The following RMI1 variants were observed in gnomAD, a reference collection of about 807,000 sequenced individuals.
RMI1 encodes the protein RecQ mediated genome instability 1.
A neutral mutation model predicts 46.7 loss-of-function variants in RMI1; 36 were observed. The ratio of observed to expected loss-of-function variants is 0.77; its 90% confidence interval spans 0.59 to 1.02. RMI1 has a LOEUF of 1.02. Ranked by LOEUF, RMI1 falls within the 50% of genes least tolerant of loss-of-function variation. RMI1 has a pLI of 0.00. For synonymous variants in RMI1, 250 were observed against 252.9 expected (o/e 0.99, Z 0.11); for missense variants, 676 against 713.7 (o/e 0.95, Z 0.60).
At chr9:83,993,725 T>C (rs1021160371) in intron 1 of RMI1, among the ~76,000 whole-genome samples, 3 of 152,128 alleles carry the variant, frequency 2.0e-5, no homozygotes, top group Non-Finnish European at 4.4e-5. Flanking sequence ...TGTATTTCTT[T>C]TATGATTAGT....
intron 1 of RMI1, among the ~76,000 whole-genome samples, chr9:83,997,987 G>A (rs1237477648): frequency 6.6e-6 from 1 of 151,876 alleles, no homozygotes; most frequent in Non-Finnish European, 1.5e-5. Flanking sequence ...TTTAAAGATG[G>A]GATCTTGCTT....
At chr9:83,991,498 T>G (rs2133112855) in intron 1 of RMI1, among the ~76,000 whole-genome samples, 1 of 152,198 alleles carries the variant, frequency 6.6e-6, no homozygotes, top group East Asian at 1.9e-4. Context: ...AAAAATTTTT[T>G]GTAGAAATGG....
Position 84,003,319 on chromosome 9 carries a change from T to C in RMI1, c.*455T>C, listed in dbSNP as rs987271222. 4.2e-5 allele frequency: 7 copies of C among 167,332 alleles called. No homozygotes were observed. The highest frequency in any genetic ancestry group is 1.4e-4 in the African/African-American group (6 of 41,430). 10.4% of individuals were successfully genotyped at this position (167,332 alleles called of 1,614,324 possible). On this transcript the variant is annotated 3_prime_UTR_variant, in exon 3 of 3. Transcript: ENST00000445877. ...TGCCGTCATGGCCTCCAAAGTTTAC[T>C]TTTTTTAAAAGTAACTGTTAGATGG...
In RMI1 at chr9:84,003,937, G is replaced by A. The variant is rs1957774456; in HGVS notation, c.*1073G>A. ...ACTGATTTTTTTTTAAAAAAAAGAG[G>A]GACTGTTTACCATTCTTCCACTGTG... On this transcript the variant is annotated 3_prime_UTR_variant, in exon 3 of 3. Coordinates refer to ENST00000445877, the MANE Select transcript of RMI1 (RefSeq NM_001358291.2). 1 of 165,818 alleles carries A rather than the reference G, an allele frequency of 6.0e-6. No homozygotes were observed. The highest frequency in any genetic ancestry group is 2.1e-4 in the South Asian group (1 of 4,822). The allele number at this position is 165,818 out of a possible 1,614,324, so 10.3% of individuals were successfully genotyped here. A position where few individuals can be genotyped will look rare whatever the true frequency, so the allele number is the denominator to read the frequency against.
At position 84,002,770 on chromosome 9, in the gene RMI1, C is replaced by T. The variant is rs746895968; in HGVS notation, c.1784C>T (p.Ser595Leu). The T allele has an allele frequency of 2.5e-6, 4 of 1,612,686 alleles. No individual in the cohort carries two copies. The African/African-American group carries it at 4.0e-5, about 16-fold the overall frequency. ...GATTTGTGCTGTCTAATGACTATTT[C>T]ATTTAATCCTTCCTTGTCTAAAGCA... is the stretch of plus-strand genomic sequence containing the variant. ...LIDLCCLMTI[S>L]FNPSLSKAMV... The change falls in exon 3 of 3, where the codon TCA becomes TTA. Residue 595 changes from serine to leucine, a missense_variant. Physicochemically the swap from Ser to Leu is moderately radical, Grantham distance 145. Transcript: ENST00000445877.
At chr9:83,989,674 A>AATAAAAT (rs139919080) in intron 1 of RMI1, among the ~76,000 whole-genome samples, 4 of 150,568 alleles carry the variant, frequency 2.7e-5, no homozygotes, top group African/African-American at 9.9e-5. Context: ...AGACAAAAAA[A>AATAAAAT]AAAATAAAAT....
chr9:83,992,310 A>G (rs940828640), intron 1 of RMI1, among the ~76,000 whole-genome samples: 7 of 152,188 alleles, frequency 4.6e-5, no homozygotes, highest in African/African-American at 1.7e-4. Flanking sequence ...TTAACATTGA[A>G]CTTACACAGC....
chr9:83,998,472 A>G (rs1021213710), intron 1 of RMI1, among the ~76,000 whole-genome samples: 2 of 152,154 alleles, frequency 1.3e-5, no homozygotes, highest in Non-Finnish European at 2.9e-5. Context: ...ACTTACATAC[A>G]TTTACTATGT....
chr9:83,990,662 T>C (rs968049798), intron 1 of RMI1, among the ~76,000 whole-genome samples: 2 of 152,190 alleles, frequency 1.3e-5, no homozygotes, highest in African/African-American at 2.4e-5. Flanking sequence ...GTGATAGATA[T>C]CCTAATTACC....
intron 1 of RMI1, among the ~76,000 whole-genome samples, chr9:83,983,065 G>A (rs1024596996): frequency 6.6e-6 from 1 of 152,142 alleles, no homozygotes; most frequent in African/African-American, 2.4e-5. Flanking sequence ...CTTTAGATGG[G>A]CTAATATAAT....
chr9:83,980,405 C>G (rs987506252), upstream of RMI1: 3 of 152,662 alleles, frequency 2.0e-5, no homozygotes, highest in Non-Finnish European at 4.4e-5. Flanking sequence ...ACTAAGGGCT[C>G]GAGAAAACCC....
intron 1 of RMI1, among the ~76,000 whole-genome samples, chr9:83,990,584 T>G (rs1957557394): frequency 1.3e-5 from 2 of 151,154 alleles, no homozygotes; most frequent in Admixed American, 6.6e-5. Context: ...TTAACAATAA[T>G]TTATTATTTC....
intron 1 of RMI1, 22 bp from the exon 2 acceptor site, chr9:83,999,687 T>C (rs1383636842): frequency 6.6e-6 from 1 of 152,238 alleles, no homozygotes; most frequent in Non-Finnish European, 1.5e-5. Context: ...TAACTCTTAC[T>C]GCTTTTTGTC....
chr9:83,990,830 G>T (rs572482927), intron 1 of RMI1, among the ~76,000 whole-genome samples: 1 of 150,700 alleles, frequency 6.6e-6, no homozygotes, highest in Admixed American at 6.6e-5. Context: ...TTTTTGAGAC[G>T]GAGTTTTGCT....
chr9:84,002,129 A>G lies in RMI1; in HGVS notation c.1143A>G (p.Gln381=). Residue 381 remains glutamine (Q), a synonymous_variant, in exon 3 of 3, where the codon CAA becomes CAG. Coordinates refer to ENST00000445877, the MANE Select transcript of RMI1 (RefSeq NM_001358291.2). ...GGAGTGAAAAAAATGTATCTGAACA[A>G]ATGACTAATGAAGACAAATCATTTG... ...NNWSEKNVSE[Q]MTNEDKSFGC... 1.9e-6 allele frequency: 3 copies of G among 1,613,842 alleles called. No individual in the cohort carries two copies. The highest frequency in any genetic ancestry group is 1.3e-5 in the African/African-American group (1 of 75,054).
intron 1 of RMI1, among the ~76,000 whole-genome samples, chr9:83,995,646 T>C (rs1198547959): frequency 6.6e-6 from 1 of 152,058 alleles, no homozygotes; most frequent in East Asian, 1.9e-4. Context: ...CAGGCTGTTC[T>C]TGAACTCCTG....
chr9:83,999,975 C>A (rs1957714036), intron 2 of RMI1, among the ~76,000 whole-genome samples, 178 bp downstream of exon 2: 1 of 152,124 alleles, frequency 6.6e-6, no homozygotes, highest in Non-Finnish European at 1.5e-5. Context: ...TTTGCCTGGC[C>A]AGACTTTTGA....
At position 83,995,642 on chromosome 9, in the gene RMI1, G is replaced by A. The variant is rs527468445; in HGVS notation, c.-125-4067G>A. Among the ~76,000 whole-genome samples the A allele has an allele frequency of 1.4e-4, 21 of 152,102 alleles. No individual in the cohort carries two copies. In the East Asian group the frequency reaches 3.3e-3, roughly 24 times the overall value. ...GGGGTTTCACCATATTGGTCAGGCT[G>A]TTCTTGAACTCCTGACCTCAGGTGA... is the stretch of plus-strand genomic sequence containing the variant. On this transcript the variant is annotated intron_variant, in intron 1 of 2. Coordinates refer to ENST00000445877, the MANE Select transcript of RMI1 (RefSeq NM_001358291.2).
intron 1 of RMI1, among the ~76,000 whole-genome samples, chr9:83,982,697 C>A (rs1957436512): frequency 6.6e-6 from 1 of 151,244 alleles, no homozygotes; most frequent in Non-Finnish European, 1.5e-5. Flanking sequence ...AAAAAAAAAA[C>A]CTCTTCCTCC....
Sources: allele counts gnomAD v4.1 joint callset (sites outside exome capture counted in the v4.1 genomes callset), GRCh38; gene constraint gnomAD v4.1.1; transcripts MANE v1.5; gene names NCBI Gene and HGNC (gene_info 2026-07-23, HGNC 2026-07-21).